The following TAF3 variants were observed in gnomAD, a reference collection of about 807,000 sequenced individuals.
TAF3 encodes transcription initiation factor TFIID subunit 3.
A neutral mutation model predicts 80.6 loss-of-function variants in TAF3; 7 were observed. The ratio of observed to expected loss-of-function variants is 0.09; its 90% CI spans 0.05 to 0.16. The LOEUF (loss-of-function observed/expected upper bound fraction) is 0.16. Ranked by LOEUF, TAF3 falls within the 10% of genes least tolerant of loss-of-function variation. TAF3 has a pLI of 1.00. For synonymous variants in TAF3, 444 were observed against 446.1 expected, an observed-to-expected ratio of 1.00 and a Z score of 0.06; for missense variants, 921 against 1,140.2, an observed-to-expected ratio of 0.81 and a Z score of 2.77.
chr10:7,980,258 G>GCTT (rs1831713924), intron 4 of TAF3, among the ~76,000 whole-genome samples: 2 of 152,160 alleles, frequency 1.3e-5, no homozygotes, highest in Non-Finnish European at 2.9e-5. Flanking sequence ...GCTTTACAGG[G>GCTT]TTCAAATTAT....
chr10:7,966,022 T>TA (rs141336740), intron 3 of TAF3, among the ~76,000 whole-genome samples: 25,624 of 151,894 alleles, frequency 0.17, 2,355 homozygotes, highest in East Asian at 0.29. Context: ...TCTGGCAGCT[T>TA]AAAAAAAACA....
chr10:7,829,759 A>G (rs1836780048), intron 2 of TAF3, among the ~76,000 whole-genome samples: 1 of 152,090 alleles, frequency 6.6e-6, no homozygotes, highest in Non-Finnish European at 1.5e-5. Flanking sequence ...CTCTTCCCCT[A>G]CTGTGCTCTT....
intron 2 of TAF3, among the ~76,000 whole-genome samples, chr10:7,922,015 G>T (rs998046495): frequency 2.0e-5 from 3 of 152,088 alleles, no homozygotes. Flanking sequence ...ATTTTTGTTA[G>T]ACTTGAATTG....
At chr10:7,967,267 C>A (rs1283394186) in intron 3 of TAF3, among the ~76,000 whole-genome samples, 1 of 152,202 alleles carries the variant, frequency 6.6e-6, no homozygotes, top group Non-Finnish European at 1.5e-5. Flanking sequence ...CAGCTGAGCC[C>A]TCAGTAAATC....
chr10:7,998,936 G>A (rs922142265), intron 4 of TAF3, among the ~76,000 whole-genome samples: 11 of 152,150 alleles, frequency 7.2e-5, no homozygotes, highest in African/African-American at 2.7e-4. Flanking sequence ...TATGTGTTTG[G>A]TATAGCTGAA....
chr10:7,944,395 A>G (rs572546611), intron 2 of TAF3, among the ~76,000 whole-genome samples: 1 of 152,314 alleles, frequency 6.6e-6, no homozygotes, highest in East Asian at 1.9e-4. Context: ...TTAGTCAGTA[A>G]GACCATCAAC....
intron 2 of TAF3, among the ~76,000 whole-genome samples, chr10:7,942,472 T>A (rs753146738): frequency 1.3e-5 from 2 of 152,260 alleles, no homozygotes; most frequent in Non-Finnish European, 2.9e-5. Flanking sequence ...GACGTTGCTT[T>A]ATGTGAGTAA....
intron 2 of TAF3, among the ~76,000 whole-genome samples, chr10:7,932,904 T>C (rs1462620213): frequency 1.3e-5 from 2 of 152,104 alleles, no homozygotes; most frequent in African/African-American, 4.8e-5. Context: ...GGTCTTGAAC[T>C]CCTGGGCTCG....
At chr10:7,934,494 G>A (rs1837898146) in intron 2 of TAF3, among the ~76,000 whole-genome samples, 1 of 151,878 alleles carries the variant, frequency 6.6e-6, no homozygotes, top group South Asian at 2.1e-4. Flanking sequence ...ACCCAGGCTG[G>A]AGTGCAGTGG....
intron 2 of TAF3, among the ~76,000 whole-genome samples, chr10:7,849,714 C>G (rs1030263873): frequency 1.3e-5 from 2 of 151,356 alleles, no homozygotes; most frequent in African/African-American, 2.4e-5. Flanking sequence ...GTCTCTCACT[C>G]TGTCACCCAG....
chr10:7,872,230 T>C (rs987778903), intron 2 of TAF3, among the ~76,000 whole-genome samples: 2 of 150,562 alleles, frequency 1.3e-5, no homozygotes, highest in African/African-American at 4.9e-5. Context: ...TTTTTTTTTT[T>C]TTTCTTTCTT....
chr10:7,910,979 C>T (rs1837652135), intron 2 of TAF3, among the ~76,000 whole-genome samples: 1 of 151,958 alleles, frequency 6.6e-6, no homozygotes, highest in Non-Finnish European at 1.5e-5. Flanking sequence ...CCCGCTTAAC[C>T]TTAGCTTCTA....
chr10:7,933,073 AG>A, intron 2 of TAF3, among the ~76,000 whole-genome samples: 1 of 143,088 alleles, frequency 7.0e-6, no homozygotes, highest in East Asian at 2.1e-4. Flanking sequence ...CTGCCTTAAA[AG>A]AAGGGGGGAT....
Position 7,818,847 on chromosome 10 carries a change from C to G in TAF3, c.138C>G (p.Gly46=), listed in dbSNP as rs1361478089. 1.8e-5 allele frequency: 27 copies of G among 1,533,730 alleles called. No homozygotes were observed. The highest frequency in any genetic ancestry group is 2.2e-5 in the Non-Finnish European group (25 of 1,151,768). Residue 46 remains glycine, a synonymous_variant, in exon 1 of 7, where the codon GGC becomes GGG. Coordinates refer to ENST00000344293, the MANE Select transcript of TAF3 (RefSeq NM_031923.4). ...DVLQRYLQQL[G]RGCHRYSELY... is the part of the protein sequence containing the mutation. Reference sequence around the variant, plus strand: ...TGCAGCGCTATCTGCAGCAGCTGGGCCGGGGCTGCCATCGGTACTCTGAGC... The same window carrying G: ...TGCAGCGCTATCTGCAGCAGCTGGGGCGGGGCTGCCATCGGTACTCTGAGC...
intron 5 of TAF3, among the ~76,000 whole-genome samples, chr10:8,011,998 G>A (rs1832060523): frequency 2.0e-5 from 3 of 152,112 alleles, no homozygotes. Flanking sequence ...GCAACATAGT[G>A]AGACCCCATC....
At chr10:7,910,220 A>G (rs1013320212) in intron 2 of TAF3, among the ~76,000 whole-genome samples, 4 of 152,112 alleles carry the variant, frequency 2.6e-5, no homozygotes, top group African/African-American at 9.7e-5. Flanking sequence ...CTGAGCACTT[A>G]GTATTTGTAA....
chr10:7,941,292 G>A (rs1194135100), intron 2 of TAF3, among the ~76,000 whole-genome samples: 7 of 152,166 alleles, frequency 4.6e-5, no homozygotes, highest in Non-Finnish European at 7.3e-5. Context: ...CATCGAATAG[G>A]CATACAGTAA....
chr10:8,002,292 C>T lies in TAF3; in HGVS notation c.2316-6786C>T, dbSNP rs116117178. Among the ~76,000 whole-genome samples, 1,210 of 152,212 alleles carry T rather than the reference C, an allele frequency of 7.9e-3. 21 individuals are homozygous for T. The highest frequency in any genetic ancestry group is 0.028 in the African/African-American group (1,144 of 41,516). ...TTTTTTTCTGTTTTCATTGATATCC[C>T]GTATTTCTCTCACCTGTGCTTTATC... On this transcript the variant is annotated intron_variant, in intron 4 of 6. Coordinates refer to ENST00000344293, the MANE Select transcript of TAF3 (RefSeq NM_031923.4).
At chr10:7,944,347 A>G (rs1838004725) in intron 2 of TAF3, among the ~76,000 whole-genome samples, 2 of 152,214 alleles carry the variant, frequency 1.3e-5, no homozygotes, top group Admixed American at 1.3e-4. Context: ...CTCTTGTAAG[A>G]CATAAATCTG....
Sources: gnomAD v4.1 joint callset for allele counts (sites outside exome capture counted in the v4.1 genomes callset) on GRCh38, gnomAD v4.1.1 for gene constraint, MANE v1.5 for transcripts, NCBI Gene and HGNC (gene_info 2026-07-23, HGNC 2026-07-21) for gene names.